Variants in MDFIC observed in about 807,000 individuals in gnomAD.
MDFIC encodes myoD family inhibitor domain-containing protein.
In MDFIC, 17 loss-of-function variants were observed where a neutral mutation model predicts 23.2. That is an observed-to-expected ratio of 0.73 (90% CI 0.50 to 1.10). The LOEUF (loss-of-function observed/expected upper bound fraction) is 1.10, where lower values mean the gene tolerates loss of function less well. Among genes scored for constraint, MDFIC ranks in the 50% least tolerant of loss-of-function variants. The probability of loss-of-function intolerance (pLI) is 0.00; values close to 1 mark genes in which losing one functional copy is unlikely to be tolerated. For synonymous variants in MDFIC, 120 were observed against 115.2 expected, an observed-to-expected ratio of 1.04 and a Z score of -0.27; for missense variants, 356 against 316.6, an observed-to-expected ratio of 1.12 and a Z score of -0.95.
chr7:114,991,307 C>T (rs1204339891), intron 4 of MDFIC, among the ~76,000 whole-genome samples: 1 of 152,112 alleles, frequency 6.6e-6, no homozygotes, highest in Admixed American at 6.5e-5. Flanking sequence ...GTTGCCTGTT[C>T]ACTCTGATGG....
At chr7:114,938,932 G>A (rs1433379106) in intron 2 of MDFIC, among the ~76,000 whole-genome samples, 2 of 152,158 alleles carry the variant, frequency 1.3e-5, no homozygotes, top group Non-Finnish European at 2.9e-5. Context: ...TTGGTTACTA[G>A]AAACTTCCAT....
chr7:114,997,741 C>T (rs1163137604), intron 4 of MDFIC, among the ~76,000 whole-genome samples: 4 of 145,966 alleles, frequency 2.7e-5, no homozygotes, highest in Non-Finnish European at 4.5e-5. Context: ...GAGTGCATGA[C>T]CCTGCATCTA....
intron 3 of MDFIC, among the ~76,000 whole-genome samples, chr7:114,967,830 CTTT>C (rs56343596): frequency 2.4e-4 from 29 of 118,798 alleles, no homozygotes; most frequent in East Asian, 4.7e-4. Flanking sequence ...TCTTTCTTTT[CTTT>C]TTTTTTTTTT....
chr7:115,018,209 C>T lies in MDFIC; in HGVS notation c.*2274C>T, dbSNP rs1213114340. The T allele has an allele frequency of 6.6e-6, 1 of 151,820 alleles. No individual in the cohort carries two copies. Among genetic ancestry groups the T allele is most frequent in the Non-Finnish European group, 1.5e-5 (1 of 67,820 alleles). The allele number at this position is 151,820 out of a possible 1,614,324, so 9.4% of individuals were successfully genotyped here. ...CACAATCTAAATATTTACATATACC[C>T]AAAATTAACTTATGCTCATATATTA... On this transcript the variant is annotated 3_prime_UTR_variant, in exon 5 of 5. Transcript: ENST00000393486.
intron 4 of MDFIC, among the ~76,000 whole-genome samples, chr7:114,985,424 A>C (rs1793493728): frequency 6.6e-6 from 1 of 152,142 alleles, no homozygotes; most frequent in African/African-American, 2.4e-5. Context: ...TTGAGAATAG[A>C]GGGAGGCATT....
intron 3 of MDFIC, among the ~76,000 whole-genome samples, chr7:114,955,529 G>C (rs1792867088): frequency 6.6e-6 from 1 of 152,180 alleles, no homozygotes. Context: ...CTGGACTGAA[G>C]GTTCCTTAAG....
chr7:114,997,485 C>T (rs1458092631), intron 4 of MDFIC, among the ~76,000 whole-genome samples: 2 of 151,236 alleles, frequency 1.3e-5, no homozygotes, highest in Admixed American at 6.6e-5. Flanking sequence ...GGCAGTGGCT[C>T]ACATCTGTAA....
Position 114,979,634 on chromosome 7 carries a change from G to T in MDFIC, c.346G>T (p.Gly116Ter), listed in dbSNP as rs150854365. Residue 116 changes from glycine (G) to a stop codon, truncating the protein, a stop_gained, in exon 4 of 5, where the codon GGA (glycine) becomes TGA (stop). Transcript: ENST00000393486. LOFTEE classifies it high-confidence loss of function. ...GNGIHHGAKH[G>*]SADNRKLSAP... The stretch of plus-strand genomic sequence containing the variant: ...TGGAATTCACCACGGGGCCAAACAC[G>T]GATCCGCAGATAATCGCAAACTTTC... 1 of 1,613,984 alleles carries T rather than the reference G, an allele frequency of 6.2e-7. No individual in the cohort carries two copies. The highest frequency in any genetic ancestry group is 1.1e-5 in the South Asian group (1 of 91,076).
chr7:114,957,768 C>A (rs1792911096), intron 3 of MDFIC, among the ~76,000 whole-genome samples: 2 of 152,146 alleles, frequency 1.3e-5, no homozygotes, highest in African/African-American at 4.8e-5. Context: ...GCCATTCTTA[C>A]TGTATAAAAG....
At chr7:114,989,989 G>C (rs1165393762) in intron 4 of MDFIC, among the ~76,000 whole-genome samples, 1 of 151,978 alleles carries the variant, frequency 6.6e-6, no homozygotes, top group African/African-American at 2.4e-5. Flanking sequence ...TTTACACATA[G>C]TATAGTATAA....
chr7:115,010,688 T>C (rs747277226), intron 4 of MDFIC, among the ~76,000 whole-genome samples: 48 of 152,206 alleles, frequency 3.2e-4, no homozygotes, highest in Non-Finnish European at 5.7e-4. Flanking sequence ...TTTAAAACAA[T>C]GTCTCCATTT....
intron 3 of MDFIC, among the ~76,000 whole-genome samples, chr7:114,962,666 G>C (rs1452616613): frequency 6.6e-6 from 1 of 152,202 alleles, no homozygotes; most frequent in African/African-American, 2.4e-5. Context: ...GATAAACTCT[G>C]TGGAGTTGGA....
chr7:114,950,207 T>A (rs1177122313), intron 3 of MDFIC, among the ~76,000 whole-genome samples: 1 of 152,180 alleles, frequency 6.6e-6, no homozygotes, highest in African/African-American at 2.4e-5. Flanking sequence ...TGTTATGTAA[T>A]GCCTCTGAGA....
chr7:114,935,899 C>T (rs1315100011), intron 2 of MDFIC, among the ~76,000 whole-genome samples: 3 of 152,074 alleles, frequency 2.0e-5, no homozygotes, highest in African/African-American at 7.2e-5. Context: ...GGATACTGCC[C>T]TCACCAGCCT....
chr7:115,019,516 A>T lies in MDFIC; in HGVS notation c.*3581A>T, dbSNP rs1231293235. 6.6e-6 allele frequency among the ~76,000 whole-genome samples: 1 copy of T among 152,130 alleles called. No individual in the cohort carries two copies. Among genetic ancestry groups the T allele is most frequent in the African/African-American group, 2.4e-5 (1 of 41,466 alleles). The stretch of plus-strand genomic sequence containing the variant: ...CCAACATAAATAAGACTCGAGACTT[A>T]TTAACATAAATAAGTATCTTGCCTT... On this transcript the variant is annotated 3_prime_UTR_variant, in exon 5 of 5. Transcript: ENST00000393486.
At chr7:114,993,605 T>C (rs1181010323) in intron 4 of MDFIC, among the ~76,000 whole-genome samples, 2 of 152,236 alleles carry the variant, frequency 1.3e-5, no homozygotes, top group Non-Finnish European at 2.9e-5. Flanking sequence ...TAACAAAATG[T>C]ACCCAGTAGT....
chr7:115,003,787 A>T (rs902239279), intron 4 of MDFIC, among the ~76,000 whole-genome samples: 1 of 152,174 alleles, frequency 6.6e-6, no homozygotes, highest in Non-Finnish European at 1.5e-5. Flanking sequence ...TCTTTAAGAC[A>T]TAACTCAGGA....
At chr7:114,933,646 C>A (rs1253059696) in intron 2 of MDFIC, among the ~76,000 whole-genome samples, 1 of 152,122 alleles carries the variant, frequency 6.6e-6, no homozygotes, top group Non-Finnish European at 1.5e-5. Flanking sequence ...ATCAGACAAC[C>A]TCTTTCATGA....
intron 4 of MDFIC, among the ~76,000 whole-genome samples, chr7:114,998,027 G>A (rs919120490): frequency 4.6e-5 from 7 of 152,092 alleles, no homozygotes; most frequent in Non-Finnish European, 7.4e-5. Context: ...CATTTGGGAC[G>A]ATGAAAAATA....
Sources: allele counts gnomAD v4.1 joint callset (sites outside exome capture counted in the v4.1 genomes callset), GRCh38; gene constraint gnomAD v4.1.1; transcripts MANE v1.5; gene names NCBI Gene and HGNC (gene_info 2026-07-23, HGNC 2026-07-21).